NTM: variants seen among roughly 807,000 people sequenced by gnomAD.
NTM encodes the protein IgLON family member 2.
A neutral mutation model predicts 42.1 loss-of-function variants in NTM; 13 were observed. The ratio of observed to expected loss-of-function variants is 0.31; its 90% CI spans 0.20 to 0.49. The LOEUF (loss-of-function observed/expected upper bound fraction) is 0.49, where lower values mean the gene tolerates loss of function less well. Among genes scored for constraint, NTM ranks in the 20% least tolerant of loss-of-function variants. NTM has a pLI of 0.99. For synonymous variants in NTM, 187 were observed against 179.2 expected (o/e 1.04, Z -0.35); for missense variants, 373 against 452.8 (o/e 0.82, Z 1.60).
chr11:131,936,011 T>TTA (rs559967974), intron 2 of NTM, among the ~76,000 whole-genome samples: 52 of 151,946 alleles, frequency 3.4e-4, no homozygotes, highest in Admixed American at 3.3e-4. Context: ...CATGGAAATT[T>TTA]TATATATATA....
intron 1 of NTM, among the ~76,000 whole-genome samples, chr11:131,416,999 A>G (rs181141589): frequency 6.6e-6 from 1 of 152,306 alleles, no homozygotes; most frequent in Non-Finnish European, 1.5e-5. Context: ...AGCCTTTCTT[A>G]TTGTCAATCT....
intron 1 of NTM, among the ~76,000 whole-genome samples, chr11:131,811,063 C>T (rs1377459026): frequency 6.6e-6 from 1 of 152,196 alleles, no homozygotes; most frequent in Non-Finnish European, 1.5e-5. Flanking sequence ...ATGTGATTGT[C>T]ACTCACGTGA....
At chr11:132,004,103 G>A (rs1036547743) in intron 2 of NTM, among the ~76,000 whole-genome samples, 1 of 152,172 alleles carries the variant, frequency 6.6e-6, no homozygotes, top group African/African-American at 2.4e-5. Context: ...GGAATTATAG[G>A]GGAGGGAAGG....
intron 7 of NTM, among the ~76,000 whole-genome samples, chr11:132,323,907 A>G (rs1326552701): frequency 1.3e-5 from 2 of 149,494 alleles, no homozygotes; most frequent in African/African-American, 4.9e-5. Flanking sequence ...GCATATAAAC[A>G]GAGCCAAAGA....
intron 2 of NTM, among the ~76,000 whole-genome samples, chr11:132,047,927 G>C (rs897399043): frequency 7.2e-5 from 11 of 152,172 alleles, no homozygotes; most frequent in Admixed American, 4.6e-4. Context: ...GTGTGGAGCT[G>C]GATTGCCCTT....
chr11:131,558,823 C>T (rs186836405), intron 1 of NTM, among the ~76,000 whole-genome samples: 367 of 152,140 alleles, frequency 2.4e-3, no homozygotes, highest in African/African-American at 8.4e-3. Context: ...GGCTTCATGA[C>T]GACTGAACAG....
chr11:132,097,483 T>C (rs2061148451), intron 2 of NTM, among the ~76,000 whole-genome samples: 1 of 152,234 alleles, frequency 6.6e-6, no homozygotes, highest in African/African-American at 2.4e-5. Flanking sequence ...TTGTCCGTCC[T>C]GTGTCAGGCC....
chr11:131,972,918 C>T (rs2063766645), intron 2 of NTM, among the ~76,000 whole-genome samples: 1 of 152,188 alleles, frequency 6.6e-6, no homozygotes, highest in African/African-American at 2.4e-5. Context: ...GTCTAAATCA[C>T]TTTGTGCCAT....
chr11:131,783,961 T>C (rs180819862), intron 1 of NTM, among the ~76,000 whole-genome samples: 1 of 152,266 alleles, frequency 6.6e-6, no homozygotes, highest in East Asian at 1.9e-4. Flanking sequence ...TATCCGTTTT[T>C]TAAAATAAGT....
At chr11:131,790,369 C>G (rs1358883788) in intron 1 of NTM, among the ~76,000 whole-genome samples, 1 of 152,128 alleles carries the variant, frequency 6.6e-6, no homozygotes, top group African/African-American at 2.4e-5. Flanking sequence ...TCTTGATAAT[C>G]TATTATTTTT....
chr11:131,390,417 A>C (rs1943854831), intron 1 of NTM, among the ~76,000 whole-genome samples: 1 of 152,180 alleles, frequency 6.6e-6, no homozygotes, highest in Admixed American at 6.5e-5. Flanking sequence ...TGGAGGAACA[A>C]GCTGCACAGA....
chr11:131,646,536 T>C (rs2065793865), intron 1 of NTM, among the ~76,000 whole-genome samples: 1 of 152,230 alleles, frequency 6.6e-6, no homozygotes, highest in Non-Finnish European at 1.5e-5. Flanking sequence ...ATGGTCTATT[T>C]ATATGCAGAT....
In NTM at chr11:132,268,828, G is replaced by A. The variant is rs74443328; in HGVS notation, c.527-38861G>A. Among the ~76,000 whole-genome samples the A allele has an allele frequency of 6.9e-3, 1,053 of 152,110 alleles. 13 individuals are homozygous for A. The highest frequency in any genetic ancestry group is 0.024 in the African/African-American group (1,003 of 41,472). On this transcript the variant is annotated intron_variant, in intron 4 of 8. Coordinates refer to ENST00000683400, the MANE Select transcript of NTM (RefSeq NM_001352005.2). ...CTATGAGAATAGTAACATTGTCTAC[G>A]CTCTCTCTAGCAGAAAGGAAAGGAT...
chr11:131,620,457 A>G (rs1422559858), intron 1 of NTM, among the ~76,000 whole-genome samples: 1 of 152,168 alleles, frequency 6.6e-6, no homozygotes, highest in South Asian at 2.1e-4. Flanking sequence ...TGTAGAAAAC[A>G]ATTCAAATGC....
intron 2 of NTM, among the ~76,000 whole-genome samples, chr11:131,938,423 G>A (rs1035554850): frequency 6.6e-6 from 1 of 152,204 alleles, no homozygotes; most frequent in Non-Finnish European, 1.5e-5. Flanking sequence ...GAAAGAAAAC[G>A]GAAGTCACTG....
At chr11:131,431,540 G>A (rs147950219) in intron 1 of NTM, among the ~76,000 whole-genome samples, 85 of 152,274 alleles carry the variant, frequency 5.6e-4, no homozygotes, top group African/African-American at 2.0e-3. Context: ...CCAGTGATCT[G>A]CTTACCTGCT....
At chr11:132,242,630 G>A (rs917350762) in intron 4 of NTM, among the ~76,000 whole-genome samples, 4 of 152,194 alleles carry the variant, frequency 2.6e-5, no homozygotes, top group African/African-American at 9.7e-5. Context: ...GGCCCGAGTA[G>A]CCACCCTGTT....
intron 1 of NTM, among the ~76,000 whole-genome samples, chr11:131,621,879 A>G (rs2062604466): frequency 2.0e-5 from 3 of 151,584 alleles, no homozygotes; most frequent in Admixed American, 2.0e-4. Flanking sequence ...AATTATTTCT[A>G]TGTGGAAGCT....
At chr11:132,194,814 C>CT (rs902871492) in intron 3 of NTM, among the ~76,000 whole-genome samples, 8,271 of 110,670 alleles carry the variant, frequency 0.075, 547 homozygotes, top group Non-Finnish European at 0.1. Context: ...GCATTTCTTC[C>CT]TTTTTTTTTT....
Sources: gnomAD v4.1 joint callset for allele counts (sites outside exome capture counted in the v4.1 genomes callset) on GRCh38, gnomAD v4.1.1 for gene constraint, MANE v1.5 for transcripts, NCBI Gene and HGNC (gene_info 2026-07-23, HGNC 2026-07-21) for gene names.